The following TPM4 variants were observed in gnomAD, a reference collection of about 807,000 sequenced individuals.
TPM4 encodes tropomyosin alpha-4 chain.
In TPM4, 17 loss-of-function variants were observed where a neutral mutation model predicts 35.8. That is an observed-to-expected ratio of 0.47 (90% CI 0.32 to 0.71). The LOEUF is 0.71. TPM4 is among the 30% of genes least tolerant of loss of function. The pLI, the probability that TPM4 is intolerant of heterozygous loss-of-function variation, is 0.03. For missense variants in TPM4, 240 were observed against 320.9 expected (o/e 0.75, Z 1.93); for synonymous variants, 120 against 122.9 (o/e 0.98, Z 0.15).
chr19:16,100,986 A>G (rs2090757748), intron 7 of TPM4: 3 of 256,590 alleles, frequency 1.2e-5, no homozygotes, highest in Non-Finnish European at 2.3e-5. Context: ...CCTGGCTAAC[A>G]TGGTGAAACC....
At chr19:16,098,668 C>T (rs1462699732) in intron 7 of TPM4, among the ~76,000 whole-genome samples, 1 of 151,946 alleles carries the variant, frequency 6.6e-6, no homozygotes, top group Non-Finnish European at 1.5e-5. Context: ...AGGCCTGGCG[C>T]AGTGGCTCAC....
chr19:16,094,541 A>C (rs1227196787), intron 7 of TPM4, among the ~76,000 whole-genome samples: 1 of 152,092 alleles, frequency 6.6e-6, no homozygotes, highest in Non-Finnish European at 1.5e-5. Flanking sequence ...GTCTCAAAAA[A>C]AAAAAAACTT....
At chr19:16,083,805 C>CTGGAA (rs2090516014) in intron 2 of TPM4, among the ~76,000 whole-genome samples, 1 of 145,420 alleles carries the variant, frequency 6.9e-6, no homozygotes, top group Non-Finnish European at 1.5e-5. Context: ...ATCACCCAGG[C>CTGGAA]TGGAATGTAG....
In TPM4 at chr19:16,077,027, G is replaced by A. The variant is rs933473720; in HGVS notation, c.132+330G>A. 4 of 263,434 alleles carry A rather than the reference G, an allele frequency of 1.5e-5. No homozygotes were observed. The East Asian group carries it at 3.5e-4, about 23-fold the overall frequency. The allele number at this position is 263,434 out of a possible 1,614,324, so 16.3% of individuals were successfully genotyped here. On this transcript the variant is annotated intron_variant, in intron 1 of 7. Coordinates refer to ENST00000643579, the MANE Select transcript of TPM4 (RefSeq NM_003290.3). ...CGGCGGGAGGGGGCGTATCGTGCAG[G>A]CTCCGACTCCGGGGCTGGCGCCGGG...
intron 2 of TPM4, among the ~76,000 whole-genome samples, chr19:16,068,668 T>G (rs1160884286): frequency 6.6e-6 from 1 of 152,228 alleles, no homozygotes; most frequent in Non-Finnish European, 1.5e-5. Flanking sequence ...TTTGTGTGTT[T>G]GAGCAATTCT....
intron 7 of TPM4, among the ~76,000 whole-genome samples, chr19:16,098,667 G>A (rs1319314302): frequency 6.6e-6 from 1 of 150,788 alleles, no homozygotes; most frequent in Non-Finnish European, 1.5e-5. Context: ...AAGGCCTGGC[G>A]CAGTGGCTCA....
rs10421970 is a variant in TPM4, at chr19:16,076,719, C to G, written c.132+22C>G. On this transcript the variant is annotated intron_variant, in intron 1 of 7. Coordinates refer to ENST00000643579, the MANE Select transcript of TPM4 (RefSeq NM_003290.3). The stretch of plus-strand genomic sequence containing the variant: ...GAAAGTGAGCGCCCCGGCCTCGGGC[C>G]CCGCACCCGCAGCCTCCTCCCCCGC... The G allele has an allele frequency of 3.8e-4, 499 of 1,315,770 alleles. No homozygotes were observed. In the African/African-American group the frequency reaches 7.2e-3, roughly 19 times the overall value. The allele number at this position is 1,315,770 out of a possible 1,614,324, so 81.5% of individuals were successfully genotyped here.
chr19:16,071,498 T>C (rs2090356564), upstream of TPM4, among the ~76,000 whole-genome samples: 1 of 152,202 alleles, frequency 6.6e-6, no homozygotes, highest in African/African-American at 2.4e-5. Context: ...GTGACTCTCC[T>C]AGCTTCATGA....
intron 2 of TPM4, among the ~76,000 whole-genome samples, chr19:16,069,151 C>T (rs918034794): frequency 1.3e-5 from 2 of 152,160 alleles, no homozygotes; most frequent in African/African-American, 4.8e-5. Flanking sequence ...TGTGTGTGTG[C>T]ACCCACGCAC....
intron 2 of TPM4, among the ~76,000 whole-genome samples, chr19:16,069,890 G>T (rs2090339924): frequency 6.6e-6 from 1 of 152,064 alleles, no homozygotes; most frequent in Non-Finnish European, 1.5e-5. Context: ...GCGAACCTGT[G>T]TGTGCGTGTA....
At chr19:16,094,672 A>G (rs1341393370) in intron 7 of TPM4, among the ~76,000 whole-genome samples, 1 of 152,160 alleles carries the variant, frequency 6.6e-6, no homozygotes, top group East Asian at 1.9e-4. Context: ...ATTTAAAAAA[A>G]AAAACAGAAA....
chr19:16,089,908 G>A (rs1202205985), intron 5 of TPM4, among the ~76,000 whole-genome samples: 2 of 151,734 alleles, frequency 1.3e-5, no homozygotes, highest in Non-Finnish European at 2.9e-5. Context: ...ACCCAGGCTG[G>A]AGTGAAGTGG....
chr19:16,087,930 G>A (rs2090577752), intron 3 of TPM4, 97 bp from the exon 4 acceptor site: 25 of 1,281,860 alleles, frequency 2.0e-5, no homozygotes, highest in Middle Eastern at 5.0e-4. Flanking sequence ...GCTGGTCTAG[G>A]GGTCTGGGTG....
chr19:16,078,773 C>A (rs1055886), intron 1 of TPM4, among the ~76,000 whole-genome samples: 1 of 149,870 alleles, frequency 6.7e-6, no homozygotes, highest in Non-Finnish European at 1.5e-5. Flanking sequence ...TGCTTCTTTC[C>A]GTCTGGGAGA....
upstream of TPM4, chr19:16,075,911 C>T (rs1955057161): frequency 1.6e-6 from 2 of 1,282,334 alleles, no homozygotes; most frequent in Non-Finnish European, 2.1e-6. Flanking sequence ...TATCGCAACC[C>T]CTGTTCTACA....
intron 1 of TPM4, chr19:16,077,119 C>G (rs2090419094): frequency 1.3e-5 from 2 of 156,924 alleles, no homozygotes; most frequent in Admixed American, 1.3e-4. Flanking sequence ...CGTGGAGCTT[C>G]CATTGTCTAG....
At chr19:16,085,350 C>T (rs61465260) in intron 2 of TPM4, among the ~76,000 whole-genome samples, 1 of 152,162 alleles carries the variant, frequency 6.6e-6, no homozygotes, top group Non-Finnish European at 1.5e-5. Context: ...AACTCCTGGG[C>T]TCAAGCGATC....
At chr19:16,088,572 T>C in intron 4 of TPM4, 1 of 1,036,196 alleles carries the variant, frequency 9.7e-7, no homozygotes, top group Non-Finnish European at 1.2e-6. Flanking sequence ...ACCTGTCCTC[T>C]TGGCCCCGGG....
Position 16,076,762 on chromosome 19 carries a change from C to T in TPM4, c.132+65C>T, listed in dbSNP as rs2090412426. 4 of 1,284,854 alleles carry T rather than the reference C, an allele frequency of 3.1e-6. No homozygotes were observed. The East Asian group carries it at 1.3e-4, about 41-fold the overall frequency. 79.6% of individuals were successfully genotyped at this position (1,284,854 alleles called of 1,614,324 possible). A position where few individuals can be genotyped will look rare whatever the true frequency, so the allele number is the denominator to read the frequency against. ...TCCCCCGCGCGCCCTCCTTTCTTCCCGGCTTCCCGCGCTGCCCGCCCGCGC... is the reference window on the plus strand; with the variant it reads ...TCCCCCGCGCGCCCTCCTTTCTTCCTGGCTTCCCGCGCTGCCCGCCCGCGC... On this transcript the variant is annotated intron_variant, in intron 1 of 7. Transcript: ENST00000643579.
Sources: allele counts gnomAD v4.1 joint callset (sites outside exome capture counted in the v4.1 genomes callset), GRCh38; gene constraint gnomAD v4.1.1; transcripts MANE v1.5; gene names NCBI Gene and HGNC (gene_info 2026-07-23, HGNC 2026-07-21).